The following MSH3 variants were observed in gnomAD, a reference collection of about 807,000 sequenced individuals.
MSH3 encodes the protein mutS homolog 3.
A neutral mutation model predicts 123.3 loss-of-function variants in MSH3; 106 were observed. The ratio of observed to expected loss-of-function variants is 0.86; its 90% confidence interval spans 0.73 to 1.01. MSH3 has a LOEUF of 1.01. Ranked by LOEUF, MSH3 falls within the 50% of genes least tolerant of loss-of-function variation. The pLI, the probability that MSH3 is intolerant of heterozygous loss-of-function variation, is 0.00. For synonymous variants in MSH3, 515 were observed against 481.4 expected (o/e 1.07, Z -0.91); for missense variants, 1,459 against 1,347.6 (o/e 1.08, Z -1.29).
intron 16 of MSH3, among the ~76,000 whole-genome samples, chr5:80,778,108 T>C (rs1405483910): frequency 6.6e-6 from 1 of 152,198 alleles, no homozygotes; most frequent in African/African-American, 2.4e-5. Context: ...CATCCCCTGT[T>C]GTGCTCTAGC....
chr5:80,657,441 A>G (rs909113433), intron 2 of MSH3, among the ~76,000 whole-genome samples: 5 of 152,228 alleles, frequency 3.3e-5, no homozygotes, highest in African/African-American at 1.2e-4. Context: ...ACTCTGTCTC[A>G]AAACAAAAAA....
In MSH3 at chr5:80,875,823, G is replaced by A. The variant is rs1746299546; in HGVS notation, c.3375G>A (p.Glu1125=). The stretch of plus-strand genomic sequence containing the variant: ...AAGACCTGCAGAAGTGGACAGAGGA[G>A]TTCAACATGGAAGAAACACAGACTT... ...NAQDLQKWTE[E]FNMEETQTSL... The change falls in exon 24 of 24, where the codon GAG becomes GAA. Residue 1125 remains glutamate (E), a synonymous_variant. Coordinates refer to ENST00000265081, the MANE Select transcript of MSH3 (RefSeq NM_002439.5). 3 of 1,613,356 alleles carry A rather than the reference G, an allele frequency of 1.9e-6. No homozygotes were observed. Among genetic ancestry groups the A allele is most frequent in the Non-Finnish European group, 2.5e-6 (3 of 1,179,432 alleles).
At chr5:80,869,503 C>T (rs913776149) in intron 22 of MSH3, among the ~76,000 whole-genome samples, 3 of 151,940 alleles carry the variant, frequency 2.0e-5, no homozygotes, top group African/African-American at 7.3e-5. Context: ...CCCTCTCGCA[C>T]ACAGAGGTTA....
At chr5:80,789,195 G>GT (rs1561479122) in intron 18 of MSH3, among the ~76,000 whole-genome samples, 2 of 151,930 alleles carry the variant, frequency 1.3e-5, no homozygotes, top group African/African-American at 4.8e-5. Flanking sequence ...TAAAATTAAT[G>GT]TCACAAATAC....
intron 20 of MSH3, among the ~76,000 whole-genome samples, chr5:80,832,089 G>A (rs1358830247): frequency 6.6e-6 from 1 of 151,092 alleles, no homozygotes; most frequent in Non-Finnish European, 1.5e-5. Flanking sequence ...CAGCCTGGGC[G>A]ACAAGGCGAG....
At chr5:80,834,108 C>T (rs940965874) in intron 20 of MSH3, among the ~76,000 whole-genome samples, 4 of 152,134 alleles carry the variant, frequency 2.6e-5, no homozygotes, top group African/African-American at 9.7e-5. Flanking sequence ...AGTGTGTATT[C>T]AGCATTGCTA....
chr5:80,833,689 C>G lies in MSH3; in HGVS notation c.2813+19948C>G, dbSNP rs142863480. 6.2e-3 allele frequency among the ~76,000 whole-genome samples: 947 copies of G among 152,324 alleles called. 11 individuals are homozygous for G. Among genetic ancestry groups the G allele is most frequent in the South Asian group, 0.014 (66 of 4,826 alleles). ...ATCACTTGACCTCATGATCCGCCCA[C>G]GTCAGCCTCCCAAAGTGCTGGGATT... On this transcript the variant is annotated intron_variant, in intron 20 of 23. Coordinates refer to ENST00000265081, the MANE Select transcript of MSH3 (RefSeq NM_002439.5).
intron 20 of MSH3, among the ~76,000 whole-genome samples, chr5:80,823,128 T>G (rs1402228682): frequency 6.6e-6 from 1 of 152,212 alleles, no homozygotes; most frequent in East Asian, 1.9e-4. Context: ...TATGAGTAAT[T>G]GTATGTATAA....
rs551066033 is a variant in MSH3, at chr5:80,697,616, C to T, written c.1340+18523C>T. Among the ~76,000 whole-genome samples, 7 of 151,854 alleles carry T rather than the reference C, an allele frequency of 4.6e-5. No individual in the cohort carries two copies. In the South Asian group the frequency reaches 1.5e-3, roughly 32 times the overall value. On this transcript the variant is annotated intron_variant, in intron 8 of 23. Transcript: ENST00000265081. ...CTGAAGTTAAGGAAACATGTTGGAG[C>T]AATTGTAAAGGCAATGTGTGTCACA...
In MSH3 at chr5:80,768,960, T is replaced by TA. The variant is rs1580035033; in HGVS notation, c.2216dup (p.Asn739LysfsTer29). On this transcript the variant is annotated frameshift_variant, in exon 15 of 24. Coordinates refer to ENST00000265081, the MANE Select transcript of MSH3 (RefSeq NM_002439.5). LOFTEE classifies it high-confidence loss of function. Reference sequence around the variant, plus strand: ...CATTTGCAAGAAATACGAAAAATACTAAAAAATCCTTCTGCACAATATGTG... The same window carrying TA: ...CATTTGCAAGAAATACGAAAAATACTAAAAAAATCCTTCTGCACAATATGTG... 1.9e-6 allele frequency: 3 copies of TA among 1,613,054 alleles called. No homozygotes were observed. Among genetic ancestry groups the TA allele is most frequent in the Non-Finnish European group, 2.5e-6 (3 of 1,179,286 alleles).
chr5:80,853,769 G>T (rs1003809573), intron 20 of MSH3, among the ~76,000 whole-genome samples: 1 of 152,026 alleles, frequency 6.6e-6, no homozygotes, highest in Admixed American at 6.6e-5. Context: ...CAAGATCTTT[G>T]TACAGTATCA....
chr5:80,844,801 C>T (rs540594268), intron 20 of MSH3, among the ~76,000 whole-genome samples: 3 of 152,018 alleles, frequency 2.0e-5, no homozygotes, highest in South Asian at 4.2e-4. Flanking sequence ...TGTTTTTGCA[C>T]GTGAGATGGG....
chr5:80,723,611 T>C (rs1751133629), intron 8 of MSH3, among the ~76,000 whole-genome samples: 1 of 152,080 alleles, frequency 6.6e-6, no homozygotes. Context: ...ATCTTAGAAA[T>C]AGTGTAACAT....
chr5:80,764,417 C>G (rs1744090079), intron 13 of MSH3, among the ~76,000 whole-genome samples: 1 of 151,846 alleles, frequency 6.6e-6, no homozygotes, highest in Admixed American at 6.6e-5. Flanking sequence ...ACTGTGTCAC[C>G]CATGCTGGAA....
rs6151757 is a variant in MSH3, at chr5:80,747,303, T to G, written c.1763+2688T>G. Reference sequence around the variant, plus strand: ...TCCTTTTTTTTTGTGTACCCAGGATTAATTTGAGATAAATCTAGTAGACCA... The same window carrying G: ...TCCTTTTTTTTTGTGTACCCAGGATGAATTTGAGATAAATCTAGTAGACCA... On this transcript the variant is annotated intron_variant, in intron 12 of 23. Transcript: ENST00000265081. Among the ~76,000 whole-genome samples, 1,264 of 152,250 alleles carry G rather than the reference T, an allele frequency of 8.3e-3. 18 individuals are homozygous for G. The highest frequency in any genetic ancestry group is 0.028 in the African/African-American group (1,163 of 41,528).
At chr5:80,847,979 C>A (rs1177609629) in intron 20 of MSH3, among the ~76,000 whole-genome samples, 5 of 152,194 alleles carry the variant, frequency 3.3e-5, no homozygotes, top group Non-Finnish European at 1.5e-5. Flanking sequence ...CGCTTGTAAT[C>A]CAAGTGCTTT....
intron 2 of MSH3, among the ~76,000 whole-genome samples, chr5:80,663,622 G>A (rs978369145): frequency 1.3e-5 from 2 of 151,736 alleles, no homozygotes; most frequent in East Asian, 1.9e-4. Context: ...TTTGAAGAGC[G>A]ATACAAATAT....
At chr5:80,725,179 C>T (rs1326131853) in intron 8 of MSH3, among the ~76,000 whole-genome samples, 1 of 140,664 alleles carries the variant, frequency 7.1e-6, no homozygotes, top group Non-Finnish European at 1.5e-5. Flanking sequence ...GCTGCCACTG[C>T]ACTCCAGCCT....
rs561144458 is a variant in MSH3, at chr5:80,729,143, C to T, written c.1568+178C>T. 4.6e-5 allele frequency among the ~76,000 whole-genome samples: 7 copies of T among 152,042 alleles called. 1 individual carries two copies. The highest frequency in any genetic ancestry group is 2.6e-4 in the Admixed American group (4 of 15,276). The stretch of plus-strand genomic sequence containing the variant: ...ATATTAAAAATATATTGGCTGGGCA[C>T]GGTGGCTCATGCCTGTAATCCCAGC... On this transcript the variant is annotated intron_variant, in intron 10 of 23. Transcript: ENST00000265081.
Sources: gnomAD v4.1 joint callset for allele counts (sites outside exome capture counted in the v4.1 genomes callset) on GRCh38, gnomAD v4.1.1 for gene constraint, MANE v1.5 for transcripts, NCBI Gene and HGNC (gene_info 2026-07-23, HGNC 2026-07-21) for gene names.